The following ZACN variants were observed in gnomAD, a reference collection of about 807,000 sequenced individuals.
The protein encoded by ZACN is zinc activated ion channel.
A neutral mutation model predicts 38.9 loss-of-function variants in ZACN; 52 were observed. That is an observed-to-expected ratio of 1.34 (90% confidence interval 1.07 to 1.68). The LOEUF (loss-of-function observed/expected upper bound fraction) is 1.68. ZACN is among the 40% of genes most tolerant of loss of function. The pLI is 0.00. For missense variants in ZACN, 559 were observed against 525.6 expected, an observed-to-expected ratio of 1.06 and a Z score of -0.62; for synonymous variants, 235 against 227.4, an observed-to-expected ratio of 1.03 and a Z score of -0.30.
At chr17:76,080,703 C>T (rs976451553) in intron 5 of ZACN, 1 of 579,966 alleles carries the variant, frequency 1.7e-6, no homozygotes, top group Middle Eastern at 2.7e-4. Context: ...CAAACATTCG[C>T]AGCAGCTCTG....
chr17:76,081,194 C>A lies in ZACN; in HGVS notation c.545-84C>A, dbSNP rs905087212. 3 of 1,574,870 alleles carry A rather than the reference C, an allele frequency of 1.9e-6. No homozygotes were observed. In the African/African-American group the frequency reaches 4.0e-5, roughly 21 times the overall value. ...CAAAAGCCATCAAAAGTCTCCATCA[C>A]CCCTGGGCTCCAGTCTGCTACCCCC... On this transcript the variant is annotated intron_variant, in intron 5 of 8. Coordinates refer to ENST00000334586, the MANE Select transcript of ZACN (RefSeq NM_180990.4).
In ZACN at chr17:76,080,064, G is replaced by A. The variant is rs2066925333; in HGVS notation, c.374+70G>A. 9.3e-6 allele frequency: 14 copies of A among 1,504,132 alleles called. No homozygotes were observed. The Admixed American group carries it at 2.2e-4, about 23-fold the overall frequency. 93.2% of individuals were successfully genotyped at this position (1,504,132 alleles called of 1,614,324 possible). The stretch of plus-strand genomic sequence containing the variant: ...CTCCTTTTCCCCCATCTACAACCTA[G>A]AGGCTGTCTGAGTGAATATGACCCT... On this transcript the variant is annotated intron_variant, in intron 4 of 8. Transcript: ENST00000334586.
In ZACN at chr17:76,079,203, G is replaced by A. The variant is rs2066913688; in HGVS notation, c.-62G>A. 6.8e-7 allele frequency: 1 copy of A among 1,480,590 alleles called. No homozygotes were observed. Among genetic ancestry groups the A allele is most frequent in the Admixed American group, 2.2e-5 (1 of 45,318 alleles). The allele number at this position is 1,480,590 out of a possible 1,614,324, so 91.7% of individuals were successfully genotyped here. A position where few individuals can be genotyped will look rare whatever the true frequency, so the allele number is the denominator to read the frequency against. On this transcript the variant is annotated 5_prime_UTR_variant, in exon 1 of 9. In the 5' UTR this introduces an upstream ATG that the reference lacks. Transcript: ENST00000334586. Reference sequence around the variant, plus strand: ...GGCTAATTGCTCAGCTGCCAGAGAAGTGACTGGAATAGAGGTTGTAGCTTA... The same window carrying A: ...GGCTAATTGCTCAGCTGCCAGAGAAATGACTGGAATAGAGGTTGTAGCTTA...
rs754119051 is a variant in ZACN, at chr17:76,080,293, G to A, written c.413G>A (p.Arg138Gln). ...VDWRDQSPQA[R>Q]VDQDGHVKLN... ...TGGAGGGACCAGAGCCCCCAGGCTC[G>A]AGTAGACCAGGACGGCCACGTGAAG... The change falls in exon 5 of 9, where the codon CGA becomes CAA. Residue 138 changes from arginine to glutamine, a missense_variant. Transcript: ENST00000334586. The A allele has an allele frequency of 2.0e-5, 33 of 1,613,832 alleles. No homozygotes were observed. Among genetic ancestry groups the A allele is most frequent in the African/African-American group, 1.1e-4 (8 of 74,930 alleles).
At position 76,079,914 on chromosome 17, in the gene ZACN, G is replaced by T; in HGVS notation, c.294G>T (p.Trp98Cys). ...RLSWLDTRLA[W>C]NTSAHPRHAI... ...CCTGGCTGGACACTCGCCTGGCCTGGAACACTAGTGCACACCCGCGGCACG... is the reference window on the plus strand; with the variant it reads ...CCTGGCTGGACACTCGCCTGGCCTGTAACACTAGTGCACACCCGCGGCACG... Residue 98 changes from tryptophan to cysteine, a missense_variant, in exon 4 of 9, where the codon TGG (tryptophan) becomes TGT (cysteine). By Grantham distance (215) the Trp-to-Cys change is radical. Transcript: ENST00000334586. 6.3e-7 allele frequency: 1 copy of T among 1,599,558 alleles called. No individual in the cohort carries two copies. The highest frequency in any genetic ancestry group is 8.5e-7 in the Non-Finnish European group (1 of 1,173,016).
chr17:76,081,265 TC>T lies in ZACN; in HGVS notation c.545-10del. 1 of 1,613,130 alleles carries T rather than the reference TC, an allele frequency of 6.2e-7. No homozygotes were observed. The highest frequency in any genetic ancestry group is 1.7e-5 in the Admixed American group (1 of 60,002). ...CTCCTTCCTGGTTCATAGTTCTCAT[TC>T]CCACCCCTCAGCGATGGAGTTAGAG... On this transcript the variant is annotated splice_polypyrimidine_tract_variant and intron_variant, in intron 5 of 8. Coordinates refer to ENST00000334586, the MANE Select transcript of ZACN (RefSeq NM_180990.4).
intron 3 of ZACN, 59 bp from the exon 4 acceptor site, chr17:76,079,829 A>C (rs1303409307): frequency 2.5e-6 from 4 of 1,598,114 alleles, no homozygotes; most frequent in Non-Finnish European, 3.4e-6. Context: ...CAACATGCTG[A>C]GCTTAGGGGC....
At position 76,082,750 on chromosome 17, in the gene ZACN, C is replaced by T. The variant is rs1208115867; in HGVS notation, c.*97C>T. 7.4e-6 allele frequency: 9 copies of T among 1,221,574 alleles called. No homozygotes were observed. The Admixed American group carries it at 1.9e-4, about 26-fold the overall frequency. The allele number at this position is 1,221,574 out of a possible 1,614,324, so 75.7% of individuals were successfully genotyped here. ...GGCCTCTGGATTAAGCCACCCTGAG[C>T]TCTCCCTCCGCTAGCACACAAGCAC... is the stretch of plus-strand genomic sequence containing the variant. On this transcript the variant is annotated 3_prime_UTR_variant, in exon 9 of 9. Transcript: ENST00000334586.
chr17:76,081,652 T>C lies in ZACN; in HGVS notation c.777T>C (p.Ile259=), dbSNP rs759515590. The stretch of plus-strand genomic sequence containing the variant: ...GGGGGTTGCTGCCCCTCCGGGCCAT[T>C]GAGCGCATAGGCTACAAGGTGACAT... ...VCGGLLPLRA[I]ERIGYKVTLL... Residue 259 remains isoleucine (I), a synonymous_variant, in exon 7 of 9, where the codon ATT becomes ATC. Coordinates refer to ENST00000334586, the MANE Select transcript of ZACN (RefSeq NM_180990.4). 2.3e-5 allele frequency: 37 copies of C among 1,614,012 alleles called. No individual in the cohort carries two copies. In the Admixed American group the frequency reaches 2.8e-4, roughly 12 times the overall value.
In ZACN at chr17:76,079,736, T is replaced by C. The variant is rs1440863877; in HGVS notation, c.257T>C (p.Leu86Pro). The change falls in exon 3 of 9, where the codon CTG becomes CCG. Residue 86 changes from leucine to proline, a missense_variant. Physicochemically the swap from Leu to Pro is moderately conservative, Grantham distance 98 (BLOSUM62 -3). Coordinates refer to ENST00000334586, the MANE Select transcript of ZACN (RefSeq NM_180990.4). ...ILRYTMSSMLLLRLSWLDTRL... is the reference protein window; with the variant it reads ...ILRYTMSSMLPLRLSWLDTRL... Reference sequence around the variant, plus strand: ...CGATACACAATGTCCTCCATGCTGCTGCTTAGGCTGGTGAGCTCCTATGCC... The same window carrying C: ...CGATACACAATGTCCTCCATGCTGCCGCTTAGGCTGGTGAGCTCCTATGCC... The C allele has an allele frequency of 6.2e-7, 1 of 1,613,652 alleles. No homozygotes were observed. Among genetic ancestry groups the C allele is most frequent in the Non-Finnish European group, 8.5e-7 (1 of 1,179,716 alleles).
Position 76,081,234 on chromosome 17 carries a change from G to C in ZACN, c.545-44G>C, listed in dbSNP as rs773560354. 3.7e-6 allele frequency: 6 copies of C among 1,609,036 alleles called. No homozygotes were observed. In the East Asian group the frequency reaches 1.1e-4, roughly 30 times the overall value. ...CTGCTACCCCCAGACTTGGCAGCTG[G>C]GATCTCTCCTTCCTGGTTCATAGTT... On this transcript the variant is annotated intron_variant, in intron 5 of 8. Coordinates refer to ENST00000334586, the MANE Select transcript of ZACN (RefSeq NM_180990.4).
intron 5 of ZACN, 63 bp from the exon 6 acceptor site, chr17:76,081,214 AC>A (rs1319925379): frequency 1.1e-5 from 18 of 1,598,500 alleles, no homozygotes; most frequent in Non-Finnish European, 1.4e-5. Context: ...CCAGTCTGCT[AC>A]CCCCAGACTT....
chr17:76,080,613 C>T (rs1354468789), intron 5 of ZACN, 189 bp downstream of exon 5: 1 of 804,764 alleles, frequency 1.2e-6, no homozygotes, highest in Non-Finnish European at 2.1e-6. Context: ...ACCTGCTCTC[C>T]CACTGCGCCC....
At position 76,079,422 on chromosome 17, in the gene ZACN, T is replaced by C; in HGVS notation, c.98-17T>C. 1.2e-6 allele frequency: 2 copies of C among 1,614,128 alleles called. No individual in the cohort carries two copies. Among genetic ancestry groups the C allele is most frequent in the South Asian group, 2.2e-5 (2 of 91,082 alleles). On this transcript the variant is annotated splice_polypyrimidine_tract_variant and intron_variant, in intron 1 of 8. Coordinates refer to ENST00000334586, the MANE Select transcript of ZACN (RefSeq NM_180990.4). Reference sequence around the variant, plus strand: ...GGGCCCTAGGGCACCTGAGTGACCTTGACTTTTCTCTCTCAGTCTGGCCAT... The same window carrying C: ...GGGCCCTAGGGCACCTGAGTGACCTCGACTTTTCTCTCTCAGTCTGGCCAT...
intron 1 of ZACN, 32 bp from the exon 2 acceptor site, chr17:76,079,407 G>A (rs1318125698): frequency 1.2e-6 from 2 of 1,613,974 alleles, no homozygotes; most frequent in East Asian, 4.5e-5. Flanking sequence ...GGGCCCTAGG[G>A]CACCTGAGTG....
Position 76,082,002 on chromosome 17 carries a change from G to A in ZACN, c.1001G>A (p.Arg334Lys). 6.2e-7 allele frequency: 1 copy of A among 1,611,692 alleles called. No individual in the cohort carries two copies. The highest frequency in any genetic ancestry group is 1.7e-5 in the Admixed American group (1 of 59,574). ...GAKSGPSPAP[R>K]GEQREHGNPG... Reference sequence around the variant, plus strand: ...AAGAGCGGCCCCAGCCCAGCCCCGAGAGGGGAACAGCGAGAGCACGGCAAC... The same window carrying A: ...AAGAGCGGCCCCAGCCCAGCCCCGAAAGGGGAACAGCGAGAGCACGGCAAC... Residue 334 changes from arginine to lysine, a missense_variant, in exon 8 of 9, where the codon AGA becomes AAA. By Grantham distance (26) the Arg-to-Lys change is conservative (BLOSUM62 2). Transcript: ENST00000334586.
chr17:76,079,938 C>T lies in ZACN; in HGVS notation c.318C>T (p.His106=), dbSNP rs376809476. 1.7e-5 allele frequency: 28 copies of T among 1,600,670 alleles called. No homozygotes were observed. Among genetic ancestry groups the T allele is most frequent in the African/African-American group, 4.0e-5 (3 of 74,500 alleles). The change falls in exon 4 of 9, where the codon CAC becomes CAT. Residue 106 remains histidine, a synonymous_variant. Transcript: ENST00000334586. ...GGAACACTAGTGCACACCCGCGGCA[C>T]GCCATCACGCTGCCCTGGGAGTCTC... ...LAWNTSAHPR[H]AITLPWESLW...
rs760032798 is a variant in ZACN at position 76,081,746 on chromosome 17, C to A, written c.871C>A (p.Pro291Thr). The change falls in exon 7 of 9, where the codon CCA becomes ACA. Residue 291 changes from proline to threonine, a missense_variant. Transcript: ENST00000334586. ...QALPSSSSCN[P>T]LLIYYFTILL... ...CCTGCCCAGCTCCTCCTCCTGCAAC[C>A]CACTGCTCAGTAAGCCCTGCTCCCT... is the stretch of plus-strand genomic sequence containing the variant. The A allele has an allele frequency of 3.7e-6, 6 of 1,614,032 alleles. No individual in the cohort carries two copies. The highest frequency in any genetic ancestry group is 3.3e-4 in the Middle Eastern group (2 of 6,062).
chr17:76,080,929 TGA>T (rs1431884252), intron 5 of ZACN: 6 of 419,016 alleles, frequency 1.4e-5, no homozygotes, highest in East Asian at 6.7e-5. Context: ...CTTCCCTCCA[TGA>T]GAGACCACAG....
Sources: gnomAD v4.1 joint callset for allele counts on GRCh38, gnomAD v4.1.1 for gene constraint, MANE v1.5 for transcripts, NCBI Gene and HGNC (gene_info 2026-07-23, HGNC 2026-07-21) for gene names.